IL1RAPL2: variants seen among roughly 807,000 people sequenced by gnomAD.
IL1RAPL2 encodes the protein X-linked interleukin-1 receptor accessory protein-like 2.
Under a neutral mutation model 44.1 loss-of-function variants are expected in IL1RAPL2, and 3 were observed. The ratio of observed to expected loss-of-function variants is 0.07; its 90% CI spans 0.03 to 0.18. The LOEUF (loss-of-function observed/expected upper bound fraction) is 0.18. Ranked by LOEUF, IL1RAPL2 falls within the 10% of genes least tolerant of loss-of-function variation. The pLI, the probability that IL1RAPL2 is intolerant of heterozygous loss-of-function variation, is 1.00. For missense variants in IL1RAPL2, 391 were observed against 496.4 expected, an observed-to-expected ratio of 0.79 and a Z score of 2.02; for synonymous variants, 181 against 178.8, an observed-to-expected ratio of 1.01 and a Z score of -0.10.
At chrX:105,499,093 C>A (rs1010197037) in intron 6 of IL1RAPL2, among the ~76,000 whole-genome samples, 3 of 111,170 alleles carry the variant, frequency 2.7e-5, no homozygotes, top group African/African-American at 9.8e-5. Flanking sequence ...CGATACTGTC[C>A]CTGTTCATGG....
At chrX:105,219,269 A>G in intron 3 of IL1RAPL2, 1 of 1,210,578 alleles carries the variant, frequency 8.3e-7, no homozygotes, top group East Asian at 3.0e-5. Context: ...GAGAAGGAGG[A>G]AAAAGGGCTT....
At chrX:104,631,854 C>T (rs1467235975) in intron 1 of IL1RAPL2, among the ~76,000 whole-genome samples, 1 of 109,838 alleles carries the variant, frequency 9.1e-6, no homozygotes. Flanking sequence ...AATTAGATCC[C>T]ATTTGTCAAT....
At chrX:105,406,272 A>T in intron 5 of IL1RAPL2, 1 of 1,059,887 alleles carries the variant, frequency 9.4e-7, no homozygotes, top group Non-Finnish European at 1.3e-6. Context: ...AAGCAATATC[A>T]TAGAGGCGCT....
chrX:104,812,520 G>A (rs979032452), intron 2 of IL1RAPL2, among the ~76,000 whole-genome samples: 1 of 110,657 alleles, frequency 9.0e-6, no homozygotes, highest in Non-Finnish European at 1.9e-5. Flanking sequence ...AGACAAGATT[G>A]TTCTGTTTTT....
At chrX:105,324,636 A>G (rs1250710473) in intron 5 of IL1RAPL2, among the ~76,000 whole-genome samples, 5 of 111,960 alleles carry the variant, frequency 4.5e-5, no homozygotes, top group Admixed American at 1.9e-4. Context: ...TTTCACATAC[A>G]TTGTTCTAGT....
At chrX:104,864,264 G>A (rs1922560693) in intron 2 of IL1RAPL2, among the ~76,000 whole-genome samples, 1 of 112,143 alleles carries the variant, frequency 8.9e-6, no homozygotes, top group Non-Finnish European at 1.9e-5. Flanking sequence ...AAGTAAAAGA[G>A]CCCCTCAGGC....
intron 6 of IL1RAPL2, among the ~76,000 whole-genome samples, chrX:105,522,299 G>GA (rs1182435746): frequency 2.7e-5 from 3 of 112,125 alleles, no homozygotes; most frequent in East Asian, 5.6e-4. Flanking sequence ...GCACAGCTAA[G>GA]AAAAAAATCA....
chrX:104,582,425 A>G (rs1174743065), intron 1 of IL1RAPL2, among the ~76,000 whole-genome samples: 4 of 111,607 alleles, frequency 3.6e-5, no homozygotes, highest in Non-Finnish European at 7.5e-5. Flanking sequence ...TTTTCAATTT[A>G]TATTAAGGGT....
intron 2 of IL1RAPL2, among the ~76,000 whole-genome samples, chrX:104,767,902 G>T (rs1932582495): frequency 8.9e-6 from 1 of 111,973 alleles, no homozygotes; most frequent in Non-Finnish European, 1.9e-5. Flanking sequence ...AGAAGCTAAA[G>T]TGAATGTCAA....
At chrX:104,629,040 T>C (rs1029385786) in intron 1 of IL1RAPL2, among the ~76,000 whole-genome samples, 3 of 111,620 alleles carry the variant, frequency 2.7e-5, no homozygotes, top group Admixed American at 1.9e-4. Flanking sequence ...AAAACAGATA[T>C]GATTCCACAT....
chrX:104,792,340 G>A lies in IL1RAPL2; in HGVS notation c.82+133345G>A, dbSNP rs189122941. 6.3e-5 allele frequency among the ~76,000 whole-genome samples: 7 copies of A among 110,642 alleles called. No individual in the cohort carries two copies. In the Admixed American group the frequency reaches 6.8e-4, roughly 11 times the overall value. On this transcript the variant is annotated intron_variant, in intron 2 of 10. Transcript: ENST00000372582. Reference sequence around the variant, plus strand: ...GCAAGGGCAGGATAGACCCCAGATCGCTTCACTGTCTAGTAAGGTTTCCCA... The same window carrying A: ...GCAAGGGCAGGATAGACCCCAGATCACTTCACTGTCTAGTAAGGTTTCCCA...
At chrX:104,612,735 G>A (rs1929188800) in intron 1 of IL1RAPL2, among the ~76,000 whole-genome samples, 1 of 111,230 alleles carries the variant, frequency 9.0e-6, no homozygotes, top group African/African-American at 3.3e-5. Context: ...TAGTTTGATA[G>A]GAATAGCATT....
At chrX:104,981,215 A>G (rs1056823370) in intron 2 of IL1RAPL2, among the ~76,000 whole-genome samples, 2 of 109,803 alleles carry the variant, frequency 1.8e-5, no homozygotes, top group Non-Finnish European at 3.8e-5. Context: ...TTCAGTGTAC[A>G]GATAATTTTG....
At chrX:105,579,727 C>T (rs1261438056) in intron 6 of IL1RAPL2, among the ~76,000 whole-genome samples, 3 of 111,706 alleles carry the variant, frequency 2.7e-5, no homozygotes, top group Middle Eastern at 4.3e-3. Flanking sequence ...CTCAAGATCA[C>T]GTAAGTATGA....
chrX:105,616,666 A>C (rs1425423616), intron 6 of IL1RAPL2, among the ~76,000 whole-genome samples: 1 of 111,237 alleles, frequency 9.0e-6, no homozygotes, highest in Non-Finnish European at 1.9e-5. Context: ...TGTTATGTAT[A>C]CTTAATGACA....
intron 1 of IL1RAPL2, among the ~76,000 whole-genome samples, chrX:104,623,571 T>C (rs1929441685): frequency 9.0e-6 from 1 of 111,100 alleles, no homozygotes; most frequent in Non-Finnish European, 1.9e-5. Flanking sequence ...GAGAGTCAGT[T>C]GTTGAATACT....
At chrX:104,987,993 GC>G (rs1270828496) in intron 2 of IL1RAPL2, among the ~76,000 whole-genome samples, 1 of 111,857 alleles carries the variant, frequency 8.9e-6, no homozygotes, top group Non-Finnish European at 1.9e-5. Context: ...AAACAACTTT[GC>G]CAACATCTAT....
intron 2 of IL1RAPL2, among the ~76,000 whole-genome samples, chrX:105,031,210 C>T (rs913979135): frequency 2.6e-4 from 28 of 109,341 alleles, no homozygotes; most frequent in African/African-American, 8.7e-4. Context: ...TTGACTTCCT[C>T]TTTTCCTAAT....
intron 6 of IL1RAPL2, among the ~76,000 whole-genome samples, chrX:105,485,720 G>A (rs1012342155): frequency 9.0e-6 from 1 of 111,630 alleles, no homozygotes; most frequent in African/African-American, 3.3e-5. Flanking sequence ...TCGTCTTTCT[G>A]TGCATGGTTC....
Sources: gnomAD v4.1 joint callset for allele counts (sites outside exome capture counted in the v4.1 genomes callset) on GRCh38, gnomAD v4.1.1 for gene constraint, MANE v1.5 for transcripts, NCBI Gene and HGNC (gene_info 2026-07-23, HGNC 2026-07-21) for gene names.